NALF2: variants seen among roughly 807,000 people sequenced by gnomAD.
The protein encoded by NALF2 is NALCN channel auxiliary factor 2.
A neutral mutation model predicts 24.8 loss-of-function variants in NALF2; 1 was observed. The ratio of observed to expected loss-of-function variants is 0.04; its 90% CI spans 0.01 to 0.19. NALF2 has a LOEUF of 0.19. Among genes scored for constraint, NALF2 ranks in the 10% least tolerant of loss-of-function variants. The probability of loss-of-function intolerance (pLI) is 1.00; values close to 1 mark genes in which losing one functional copy is unlikely to be tolerated. For missense variants in NALF2, 458 were observed against 409.6 expected (o/e 1.12, Z -1.02); for synonymous variants, 254 against 189.8 (o/e 1.34, Z -2.78).
intron 1 of NALF2, among the ~76,000 whole-genome samples, chrX:69,519,399 C>T (rs772595140): frequency 9.0e-6 from 1 of 110,527 alleles, no homozygotes; most frequent in South Asian, 3.8e-4. Flanking sequence ...TACAATCTGT[C>T]CTTGGTGAAT....
rs1002240219 is a variant in NALF2, at chrX:69,508,202, C to T, written c.861+2059C>T. 6.3e-5 allele frequency among the ~76,000 whole-genome samples: 7 copies of T among 111,751 alleles called. 1 individual carries two copies. The South Asian group carries it at 2.3e-3, about 37-fold the overall frequency. On this transcript the variant is annotated intron_variant, in intron 1 of 2. Coordinates refer to ENST00000252338, the MANE Select transcript of NALF2 (RefSeq NM_015686.3). ...GTATTTTGTAATAAGAATATAACATCTGACATTAATGTAATGCTTAAGGTT... is the reference window on the plus strand; with the variant it reads ...GTATTTTGTAATAAGAATATAACATTTGACATTAATGTAATGCTTAAGGTT...
Position 69,505,813 on chromosome X carries a change from C to T in NALF2, c.531C>T (p.Ala177=), listed in dbSNP as rs142803076. The change falls in exon 1 of 3, where the codon GCC becomes GCT. Residue 177 remains alanine (A), a synonymous_variant. Coordinates refer to ENST00000252338, the MANE Select transcript of NALF2 (RefSeq NM_015686.3). The stretch of plus-strand genomic sequence containing the variant: ...CTGACTCCCTTTCCCGTGCCCCGGC[C>T]GAGTTCCCCTCCGCCAAAAAAAACT... ...RPPDSLSRAP[A]EFPSAKKNLL... is the part of the protein sequence containing the mutation. 4.1e-6 allele frequency: 5 copies of T among 1,210,816 alleles called. No homozygotes were observed. The highest frequency in any genetic ancestry group is 4.6e-4 in the Middle Eastern group (2 of 4,355).
Position 69,505,867 on chromosome X carries a change from T to G in NALF2, c.585T>G (p.Thr195=), listed in dbSNP as rs905115266. Residue 195 remains threonine, a synonymous_variant, in exon 1 of 3, where the codon ACT becomes ACG. Coordinates refer to ENST00000252338, the MANE Select transcript of NALF2 (RefSeq NM_015686.3). ...TCAAAGGCCACTTTCGGAACTTCAC[T>G]CTCTCCTTTTGCGACACCTACACGG... The part of the protein sequence containing the change: ...NLLKGHFRNF[T]LSFCDTYTVW... The G allele has an allele frequency of 5.0e-6, 6 of 1,210,248 alleles. No homozygotes were observed. The highest frequency in any genetic ancestry group is 6.7e-6 in the Non-Finnish European group (6 of 895,141).
intron 1 of NALF2, among the ~76,000 whole-genome samples, chrX:69,517,070 G>T (rs1930672502): frequency 9.0e-6 from 1 of 111,118 alleles, no homozygotes; most frequent in Non-Finnish European, 1.9e-5. Flanking sequence ...GAATTGAAGG[G>T]ACCATCCCAA....
chrX:69,526,642 A>T (rs1189429854), intron 1 of NALF2, among the ~76,000 whole-genome samples: 2 of 111,714 alleles, frequency 1.8e-5, no homozygotes, highest in East Asian at 5.6e-4. Flanking sequence ...GTGAAGAAAC[A>T]AGGAAAAGAG....
At chrX:69,510,879 G>A (rs55642810) in intron 1 of NALF2, among the ~76,000 whole-genome samples, 53,854 of 109,522 alleles carry the variant, frequency 0.49, 9,726 homozygotes, top group Admixed American at 0.66. Context: ...CTTGGACCCA[G>A]TGACAATCAC....
At chrX:69,510,591 T>C (rs1014760575) in intron 1 of NALF2, among the ~76,000 whole-genome samples, 4 of 111,921 alleles carry the variant, frequency 3.6e-5, no homozygotes, top group Non-Finnish European at 5.7e-5. Context: ...GACCCAGGGC[T>C]CTTAGAGCCA....
chrX:69,511,917 T>C (rs765447371), intron 1 of NALF2, among the ~76,000 whole-genome samples: 13 of 111,866 alleles, frequency 1.2e-4, no homozygotes, highest in Admixed American at 2.8e-4. Context: ...TACATGTGGG[T>C]AGGGACATAG....
chrX:69,525,662 C>T (rs1489951727), intron 1 of NALF2, among the ~76,000 whole-genome samples: 1 of 109,248 alleles, frequency 9.2e-6, no homozygotes, highest in Admixed American at 9.8e-5. Context: ...TCCGCTTACC[C>T]CTATCTCACC....
At chrX:69,525,145 C>T (rs1386924666) in intron 1 of NALF2, among the ~76,000 whole-genome samples, 1 of 112,181 alleles carries the variant, frequency 8.9e-6, no homozygotes, top group Non-Finnish European at 1.9e-5. Flanking sequence ...GAGCGCCCAG[C>T]CACCATAGCC....
rs531820729 is a variant in NALF2, at chrX:69,526,255, C to T, written c.862-2738C>T. On this transcript the variant is annotated intron_variant, in intron 1 of 2. Transcript: ENST00000252338. ...AGCTATTGTCTCAGCCTGGAATGCC[C>T]ATTTACCTCATCTCTACCCATCCCA... is the stretch of plus-strand genomic sequence containing the variant. 2.2e-4 allele frequency among the ~76,000 whole-genome samples: 25 copies of T among 111,764 alleles called. No individual in the cohort carries two copies. In the South Asian group the frequency reaches 9.4e-3, roughly 42 times the overall value.
rs776394932 is a variant in NALF2, at chrX:69,525,866, C to T, written c.862-3127C>T. Among the ~76,000 whole-genome samples the T allele has an allele frequency of 7.0e-4, 76 of 108,619 alleles. 1 individual carries two copies. The highest frequency in any genetic ancestry group is 2.5e-3 in the African/African-American group (75 of 29,727). The allele number at this position is 108,619 out of a possible 115,157, so 94.3% of individuals were successfully genotyped here. On this transcript the variant is annotated intron_variant, in intron 1 of 2. Transcript: ENST00000252338. ...TGTCTTCCACCCCTTACCCCAACTG[C>T]CACTCTCTCATACCCCTCAAACCCC...
At chrX:69,514,920 A>G (rs1052755321) in intron 1 of NALF2, among the ~76,000 whole-genome samples, 3 of 112,223 alleles carry the variant, frequency 2.7e-5, no homozygotes, top group African/African-American at 9.7e-5. Context: ...CATAAACATC[A>G]TTCTTGATGA....
In NALF2 at chrX:69,530,290, G is replaced by A. The variant is rs991589553; in HGVS notation, c.*334G>A. The A allele has an allele frequency of 3.6e-5, 8 of 220,976 alleles. No homozygotes were observed. The highest frequency in any genetic ancestry group is 1.4e-3 in the Middle Eastern group (1 of 705). The allele number at this position is 220,976 out of a possible 1,213,427, so 18.2% of individuals were successfully genotyped here. Reference sequence around the variant, plus strand: ...TGCCAAAAGCCCTGACCCCAGGGAAGGAGGCTGCTCACCCAGCCTTGGCCC... The same window carrying A: ...TGCCAAAAGCCCTGACCCCAGGGAAAGAGGCTGCTCACCCAGCCTTGGCCC... On this transcript the variant is annotated 3_prime_UTR_variant, in exon 3 of 3. Coordinates refer to ENST00000252338, the MANE Select transcript of NALF2 (RefSeq NM_015686.3).
Position 69,506,053 on chromosome X carries a change from T to C in NALF2, c.771T>C (p.Ala257=). The change falls in exon 1 of 3, where the codon GCT becomes GCC. Residue 257 remains alanine (A), a synonymous_variant. Coordinates refer to ENST00000252338, the MANE Select transcript of NALF2 (RefSeq NM_015686.3). ...IEAYQRLDRH[A]QEKYDEFDLV... ...CGTACCAGCGGCTGGACCGACACGC[T>C]CAGGAAAAATATGACGAGTTCGACC... 1 of 1,209,412 alleles carries C rather than the reference T, an allele frequency of 8.3e-7. No homozygotes were observed.
At position 69,505,349 on chromosome X, in the gene NALF2, T is replaced by C; in HGVS notation, c.67T>C (p.Cys23Arg). The C allele has an allele frequency of 8.6e-7, 1 of 1,156,652 alleles. No homozygotes were observed. The highest frequency in any genetic ancestry group is 1.2e-6 in the Non-Finnish European group (1 of 868,206). Residue 23 changes from cysteine (C) to arginine (R), a missense_variant, in exon 1 of 3, where the codon TGC becomes CGC. By Grantham distance (180) the Cys-to-Arg change is radical (BLOSUM62 -3). Coordinates refer to ENST00000252338, the MANE Select transcript of NALF2 (RefSeq NM_015686.3). ...AAALTICCCC[C>R]CWAPRPSDKP... The stretch of plus-strand genomic sequence containing the variant: ...CGCGCTGACTATCTGCTGCTGCTGC[T>C]GCTGCTGGGCTCCCAGGCCGAGCGA...
chrX:69,518,442 C>T lies in NALF2; in HGVS notation c.862-10551C>T, dbSNP rs768431846. 7.2e-5 allele frequency among the ~76,000 whole-genome samples: 8 copies of T among 111,294 alleles called. No homozygotes were observed. The South Asian group carries it at 2.7e-3, about 37-fold the overall frequency. ...ATACACACACATATATATGTGTATA[C>T]ACACACACACACCCCAAGCCTCACT... On this transcript the variant is annotated intron_variant, in intron 1 of 2. Coordinates refer to ENST00000252338, the MANE Select transcript of NALF2 (RefSeq NM_015686.3).
rs1930433839 is a variant in NALF2, at chrX:69,505,051, G to A, written c.-232G>A. Among the ~76,000 whole-genome samples the A allele has an allele frequency of 9.4e-6, 1 of 106,162 alleles. No individual in the cohort carries two copies. The highest frequency in any genetic ancestry group is 2.0e-5 in the Non-Finnish European group (1 of 50,732). 92.2% of individuals were successfully genotyped at this position (106,162 alleles called of 115,157 possible). ...GCAGCGCCTAGCGGGCCGGGCGGCG[G>A]CGCCCGGGCTGAGAGCGACGGAGCG... On this transcript the variant is annotated 5_prime_UTR_variant, in exon 1 of 3. Transcript: ENST00000252338.
At position 69,505,977 on chromosome X, in the gene NALF2, T is replaced by C. The variant is rs1930475922; in HGVS notation, c.695T>C (p.Val232Ala). 3 of 1,210,018 alleles carry C rather than the reference T, an allele frequency of 2.5e-6. No individual in the cohort carries two copies. Among genetic ancestry groups the C allele is most frequent in the African/African-American group, 1.7e-5 (1 of 57,285 alleles). The part of the protein sequence containing the change: ...DTLMGDLLAV[V>A]ASPGSGAWEA... ...CTGATGGGGGACCTGCTGGCCGTGG[T>C]GGCCAGCCCGGGCTCCGGGGCCTGG... The change falls in exon 1 of 3, where the codon GTG (valine) becomes GCG (alanine). Residue 232 changes from valine (V) to alanine (A), a missense_variant. Transcript: ENST00000252338.
Sources: allele counts gnomAD v4.1 joint callset (sites outside exome capture counted in the v4.1 genomes callset), GRCh38; gene constraint gnomAD v4.1.1; transcripts MANE v1.5; gene names NCBI Gene and HGNC (gene_info 2026-07-23, HGNC 2026-07-21).